Variants in TTC27 observed in about 807,000 individuals in gnomAD.
The protein encoded by TTC27 is tetratricopeptide repeat protein 27.
TTC27 carries 79 observed loss-of-function variants against 115.9 expected under a neutral mutation model. The observed-to-expected ratio is 0.68, with a 90% CI of 0.57 to 0.82. The LOEUF (loss-of-function observed/expected upper bound fraction) is 0.82, where lower values mean the gene tolerates loss of function less well. Among genes scored for constraint, TTC27 ranks in the 40% least tolerant of loss-of-function variants. The pLI, the probability that TTC27 is intolerant of heterozygous loss-of-function variation, is 0.00. For synonymous variants in TTC27, 401 were observed against 356.0 expected (o/e 1.13, Z -1.42); for missense variants, 1,054 against 993.1 (o/e 1.06, Z -0.82).
chr2:32,684,407 T>TA (rs1666559265), intron 9 of TTC27, among the ~76,000 whole-genome samples: 1 of 151,516 alleles, frequency 6.6e-6, no homozygotes, highest in East Asian at 1.9e-4. Flanking sequence ...GTCTAAAACT[T>TA]AAAGTATAAT....
rs548113836 is a variant in TTC27 at position 32,662,047 on chromosome 2, C to T, written c.641-2256C>T. 1.9e-3 allele frequency among the ~76,000 whole-genome samples: 282 copies of T among 152,140 alleles called. 1 individual carries two copies. The highest frequency in any genetic ancestry group is 6.5e-3 in the African/African-American group (269 of 41,502). On this transcript the variant is annotated intron_variant, in intron 5 of 19. Coordinates refer to ENST00000317907, the MANE Select transcript of TTC27 (RefSeq NM_017735.5). The stretch of plus-strand genomic sequence containing the variant: ...TAATCTTATGGTTTTTGTCACGGTT[C>T]TGTTTATGTGATGGATTATGTTTAT...
intron 12 of TTC27, among the ~76,000 whole-genome samples, chr2:32,740,078 G>A (rs1010599699): frequency 1.3e-5 from 2 of 152,106 alleles, no homozygotes; most frequent in Admixed American, 1.3e-4. Flanking sequence ...AATTTTGCTC[G>A]ACCTTGGTAT....
chr2:32,702,417 C>G (rs1667216559), intron 9 of TTC27, among the ~76,000 whole-genome samples: 2 of 152,226 alleles, frequency 1.3e-5, no homozygotes, highest in South Asian at 4.1e-4. Context: ...TTTCATTTTG[C>G]TTCCCACTAC....
intron 8 of TTC27, among the ~76,000 whole-genome samples, chr2:32,677,424 A>G (rs986499840): frequency 2.6e-5 from 4 of 151,904 alleles, no homozygotes; most frequent in Admixed American, 2.0e-4. Context: ...GGATATGTGA[A>G]TGTTCACAAA....
At chr2:32,672,509 A>G in intron 8 of TTC27, 125 bp downstream of exon 8, 1 of 647,086 alleles carries the variant, frequency 1.5e-6, no homozygotes, top group South Asian at 2.2e-5. Context: ...AGTGCTTATG[A>G]AGATCAGAGG....
rs895909317 is a variant in TTC27 at position 32,672,364 on chromosome 2, C to T, written c.1032C>T (p.Ile344=). 7 of 1,612,976 alleles carry T rather than the reference C, an allele frequency of 4.3e-6. No homozygotes were observed. The highest frequency in any genetic ancestry group is 4.0e-5 in the African/African-American group (3 of 74,862). The stretch of plus-strand genomic sequence containing the variant: ...TGCCGGATCTGTGTGCTGAAGAGAT[C>T]GCTATTATTCTTGGAATCTGGTGAG... ...FQMPDLCAEE[I]AIILGICTNF... is the part of the protein sequence containing the mutation. Residue 344 remains isoleucine, a synonymous_variant, in exon 8 of 20, where the codon ATC becomes ATT. Coordinates refer to ENST00000317907, the MANE Select transcript of TTC27 (RefSeq NM_017735.5).
chr2:32,817,776 C>T (rs181562711), intron 19 of TTC27, among the ~76,000 whole-genome samples: 1 of 152,158 alleles, frequency 6.6e-6, no homozygotes, highest in Non-Finnish European at 1.5e-5. Context: ...TTGAAATTGT[C>T]TGGGTGCAGT....
intron 9 of TTC27, among the ~76,000 whole-genome samples, chr2:32,679,795 C>T (rs1432396708): frequency 6.6e-6 from 1 of 152,076 alleles, no homozygotes; most frequent in Non-Finnish European, 1.5e-5. Flanking sequence ...GGGTTCGGAC[C>T]AGCCTGGCCG....
chr2:32,681,411 G>A (rs1666419558), intron 9 of TTC27, among the ~76,000 whole-genome samples: 1 of 152,082 alleles, frequency 6.6e-6, no homozygotes, highest in Non-Finnish European at 1.5e-5. Flanking sequence ...ATACCGAAGT[G>A]GATAAGATGA....
intron 16 of TTC27, among the ~76,000 whole-genome samples, chr2:32,802,872 T>G (rs764992782): frequency 6.6e-6 from 1 of 152,250 alleles, no homozygotes; most frequent in Non-Finnish European, 1.5e-5. Flanking sequence ...AAAAACAAGT[T>G]ACAAGATTTT....
At chr2:32,673,264 G>A (rs941471849) in intron 8 of TTC27, among the ~76,000 whole-genome samples, 2 of 117,692 alleles carry the variant, frequency 1.7e-5, no homozygotes, top group African/African-American at 6.6e-5. Flanking sequence ...TGCTATTGTT[G>A]CCTAGGCTGG....
intron 3 of TTC27, 31 bp downstream of exon 3, chr2:32,634,036 A>G (rs763396861): frequency 7.6e-6 from 12 of 1,588,442 alleles, no homozygotes; most frequent in Admixed American, 1.8e-5. Flanking sequence ...GTATGTAATT[A>G]TTATTATGTT....
At chr2:32,812,876 G>GA (rs1356882531) in intron 18 of TTC27, among the ~76,000 whole-genome samples, 3 of 152,172 alleles carry the variant, frequency 2.0e-5, no homozygotes, top group African/African-American at 7.2e-5. Context: ...TTAGAGATGT[G>GA]AAACATCTTT....
At chr2:32,676,012 G>A (rs1666186611) in intron 8 of TTC27, among the ~76,000 whole-genome samples, 1 of 151,894 alleles carries the variant, frequency 6.6e-6, no homozygotes, top group Non-Finnish European at 1.5e-5. Context: ...AGCTGGTCTC[G>A]AACTCCTGAT....
chr2:32,704,613 A>G (rs1667303237), intron 10 of TTC27, among the ~76,000 whole-genome samples: 1 of 152,164 alleles, frequency 6.6e-6, no homozygotes. Context: ...TCCTCATAAC[A>G]TCCTTTGTAG....
In TTC27 at chr2:32,782,147, G is replaced by C. The variant is rs111841911; in HGVS notation, c.1780-479G>C. Among the ~76,000 whole-genome samples, 1,341 of 152,186 alleles carry C rather than the reference G, an allele frequency of 8.8e-3. 12 individuals are homozygous for C. The highest frequency in any genetic ancestry group is 0.015 in the Non-Finnish European group (1,031 of 67,990). On this transcript the variant is annotated intron_variant, in intron 14 of 19. Coordinates refer to ENST00000317907, the MANE Select transcript of TTC27 (RefSeq NM_017735.5). The stretch of plus-strand genomic sequence containing the variant: ...TCATTTTTGCTTTATTTTTGTCATT[G>C]GGTAGAGGAATAGGTAGAGAAATAT...
chr2:32,733,787 GTT>G, intron 10 of TTC27, 39 bp from the exon 11 acceptor site: 1 of 1,289,974 alleles, frequency 7.8e-7, no homozygotes, highest in Non-Finnish European at 1.1e-6. Flanking sequence ...TATATTATAA[GTT>G]ATACATATAG....
intron 16 of TTC27, among the ~76,000 whole-genome samples, chr2:32,807,665 C>T (rs538813009): frequency 1.3e-5 from 2 of 152,130 alleles, no homozygotes; most frequent in South Asian, 2.1e-4. Flanking sequence ...TGTTAATAAT[C>T]GTCTTGGTTT....
chr2:32,731,298 A>G (rs573370068), intron 10 of TTC27, among the ~76,000 whole-genome samples: 8 of 152,156 alleles, frequency 5.3e-5, no homozygotes, highest in Middle Eastern at 3.4e-3. Context: ...CATGTTGGCC[A>G]GGCTGGTTTT....
Sources: allele counts gnomAD v4.1 joint callset (sites outside exome capture counted in the v4.1 genomes callset), GRCh38; gene constraint gnomAD v4.1.1; transcripts MANE v1.5; gene names NCBI Gene and HGNC (gene_info 2026-07-23, HGNC 2026-07-21).